CCDC7: variants seen among roughly 807,000 people sequenced by gnomAD.
CCDC7 encodes the protein coiled-coil domain-containing protein 7.
CCDC7 carries 183 observed loss-of-function variants against 196.9 expected under a neutral mutation model. The observed-to-expected ratio is 0.93, with a 90% CI of 0.82 to 1.05. The LOEUF (loss-of-function observed/expected upper bound fraction) is 1.05, where lower values mean the gene tolerates loss of function less well. Ranked by LOEUF, CCDC7 falls within the 50% of genes least tolerant of loss-of-function variation. The pLI, the probability that CCDC7 is intolerant of heterozygous loss-of-function variation, is 0.00. For missense variants in CCDC7, 1,540 were observed against 1,482.2 expected (o/e 1.04, Z -0.64); for synonymous variants, 525 against 484.6 (o/e 1.08, Z -1.10).
At chr10:32,851,763 A>C (rs763649610) in intron 39 of CCDC7, 44 bp from the exon 41 acceptor site, 2 of 1,545,002 alleles carry the variant, frequency 1.3e-6, no homozygotes, top group African/African-American at 2.8e-5. Context: ...ATAATTACAA[A>C]TGTCATCTAT....
At chr10:32,523,745 C>A (rs796497792) in intron 11 of CCDC7, among the ~76,000 whole-genome samples, 2 of 151,812 alleles carry the variant, frequency 1.3e-5, no homozygotes, top group African/African-American at 4.8e-5. Flanking sequence ...TTTGTCTCTT[C>A]TTACAGTTTT....
At chr10:32,548,622 G>C (rs2052918146) in intron 13 of CCDC7, among the ~76,000 whole-genome samples, 1 of 152,168 alleles carries the variant, frequency 6.6e-6, no homozygotes, top group Non-Finnish European at 1.5e-5. Context: ...TAAAACCTTT[G>C]AAGAGGAATT....
rs1288369774 is a variant in CCDC7, at chr10:32,871,767, T to G, written c.4112-4580T>G. ...CTATAAATTTCCCTCTACACACTGC[T>G]TTGAATATGTCCCAGAGATTCTGGT... On this transcript the variant is annotated intron_variant, in intron 41 of 41. Coordinates refer to ENST00000639629, the Ensembl canonical transcript of CCDC7. Among the ~76,000 whole-genome samples, 25 of 152,314 alleles carry G rather than the reference T, an allele frequency of 1.6e-4. No individual in the cohort carries two copies. The South Asian group carries it at 5.0e-3, about 30-fold the overall frequency.
intron 31 of CCDC7, among the ~76,000 whole-genome samples, chr10:32,816,739 C>T (rs1210635620): frequency 6.6e-6 from 1 of 152,128 alleles, no homozygotes; most frequent in African/African-American, 2.4e-5. Context: ...CTGGAGTAGA[C>T]CTCCAGCAAA....
chr10:32,645,441 A>C (rs924518831), intron 20 of CCDC7, among the ~76,000 whole-genome samples: 3 of 150,572 alleles, frequency 2.0e-5, no homozygotes, highest in African/African-American at 7.3e-5. Flanking sequence ...TTGTTGAAAA[A>C]TTCTGCATAA....
chr10:32,745,580 A>T (rs2074580634), intron 28 of CCDC7, among the ~76,000 whole-genome samples: 1 of 152,192 alleles, frequency 6.6e-6, no homozygotes, highest in African/African-American at 2.4e-5. Flanking sequence ...GCACCAAGAC[A>T]TTCATGAGGG....
downstream of CCDC7, among the ~76,000 whole-genome samples, chr10:32,881,280 T>C (rs72784040): frequency 7.7e-3 from 1,166 of 152,258 alleles, 16 homozygotes; most frequent in Non-Finnish European, 0.013. Context: ...ATTTTAAAAA[T>C]GGTTCTCAGT....
chr10:32,682,289 T>A (rs1301425732), intron 21 of CCDC7, among the ~76,000 whole-genome samples: 2 of 152,212 alleles, frequency 1.3e-5, no homozygotes, highest in African/African-American at 4.8e-5. Context: ...TGGTTTTCTG[T>A]GCCTGTGTTA....
At chr10:32,802,199 T>C (rs1370500786) in intron 29 of CCDC7, among the ~76,000 whole-genome samples, 1 of 152,206 alleles carries the variant, frequency 6.6e-6, no homozygotes, top group African/African-American at 2.4e-5. Flanking sequence ...CTTCATTTTC[T>C]TTTATCACAT....
At chr10:32,671,576 T>C (rs1298661313) in intron 21 of CCDC7, among the ~76,000 whole-genome samples, 1 of 152,244 alleles carries the variant, frequency 6.6e-6, no homozygotes, top group Non-Finnish European at 1.5e-5. Flanking sequence ...GCAGTTCTTA[T>C]ATCTGCATTT....
intron 9 of CCDC7, chr10:32,511,400 G>A (rs896011970): frequency 6.2e-7 from 1 of 1,609,780 alleles, no homozygotes; most frequent in Non-Finnish European, 8.5e-7. Flanking sequence ...AAATCTTGAA[G>A]CTGCACCTCT....
chr10:32,713,341 G>A (rs2081113129), intron 25 of CCDC7, among the ~76,000 whole-genome samples: 1 of 152,196 alleles, frequency 6.6e-6, no homozygotes, highest in African/African-American at 2.4e-5. Context: ...CCCAAGAAAT[G>A]TCATTTTTTC....
At chr10:32,745,662 C>T (rs1289411716) in intron 28 of CCDC7, among the ~76,000 whole-genome samples, 1 of 152,138 alleles carries the variant, frequency 6.6e-6, no homozygotes, top group African/African-American at 2.4e-5. Context: ...TTCTACATGA[C>T]CTTTGGAGGG....
exon 3 of CCDC7, chr10:32,456,320 A>C (rs56391924): frequency 0.098 from 153,396 of 1,569,906 alleles, 9,725 homozygotes; most frequent in South Asian, 0.23. Flanking sequence ...AGAAGCACTT[A>C]AAGAAGAACA....
At chr10:32,855,765 G>A (rs769517390) in intron 41 of CCDC7, among the ~76,000 whole-genome samples, 4 of 152,122 alleles carry the variant, frequency 2.6e-5, no homozygotes, top group Non-Finnish European at 5.9e-5. Context: ...TAAGGGACCC[G>A]ATAGTCAAAA....
intron 41 of CCDC7, among the ~76,000 whole-genome samples, chr10:32,859,001 C>G (rs2093870777): frequency 6.6e-6 from 1 of 152,120 alleles, no homozygotes; most frequent in Non-Finnish European, 1.5e-5. Flanking sequence ...CAATATTAGA[C>G]AGATCAATAA....
At chr10:32,880,285 C>A (rs1378128941), downstream of CCDC7, among the ~76,000 whole-genome samples, 1 of 152,158 alleles carries the variant, frequency 6.6e-6, no homozygotes, top group Non-Finnish European at 1.5e-5. Context: ...CTTTGATTTG[C>A]ATTTCTCTAA....
chr10:32,600,301 G>GT (rs35364422), intron 18 of CCDC7, among the ~76,000 whole-genome samples: 70,773 of 146,104 alleles, frequency 0.48, 17,248 homozygotes, highest in East Asian at 0.58. Flanking sequence ...TATATTTCTA[G>GT]TTTTTTTTTT....
intron 8 of CCDC7, among the ~76,000 whole-genome samples, chr10:32,482,821 C>G (rs998606493): frequency 2.6e-5 from 4 of 152,108 alleles, no homozygotes; most frequent in African/African-American, 9.7e-5. Flanking sequence ...CTACAAAGGA[C>G]ATGAACTCAT....
Sources: gnomAD v4.1 joint callset for allele counts (sites outside exome capture counted in the v4.1 genomes callset) on GRCh38, gnomAD v4.1.1 for gene constraint, MANE v1.5 for transcripts, NCBI Gene and HGNC (gene_info 2026-07-23, HGNC 2026-07-21) for gene names.